The following DMD variants were observed in gnomAD, a reference collection of about 807,000 sequenced individuals.
DMD encodes the protein mutant dystrophin.
In DMD, 63 loss-of-function variants were observed where a neutral mutation model predicts 330.1. The ratio of observed to expected loss-of-function variants is 0.19; its 90% CI spans 0.16 to 0.24. DMD has a LOEUF of 0.24. DMD is among the 10% of genes least tolerant of loss of function. DMD has a pLI of 1.00. For missense variants in DMD, 3,344 were observed against 2,684.1 expected, an observed-to-expected ratio of 1.25 and a Z score of -5.43; for synonymous variants, 1,223 against 959.8, an observed-to-expected ratio of 1.27 and a Z score of -5.07.
intron 41 of DMD, among the ~76,000 whole-genome samples, chrX:32,327,421 T>C (rs1158916700): frequency 9.0e-6 from 1 of 110,702 alleles, no homozygotes; most frequent in African/African-American, 3.3e-5. Flanking sequence ...ATGATATCCA[T>C]CTGACCTCTG....
chrX:31,412,206 A>AAAAAG (rs765872095), intron 60 of DMD, among the ~76,000 whole-genome samples: 22 of 94,171 alleles, frequency 2.3e-4, no homozygotes, highest in East Asian at 9.6e-4. Context: ...AAAAAAAAAA[A>AAAAAG]AGAGAGAGAG....
intron 48 of DMD, among the ~76,000 whole-genome samples, chrX:31,857,380 G>GGA (rs1448687044): frequency 0.049 from 1,805 of 36,757 alleles, 204 homozygotes; most frequent in African/African-American, 0.19. Flanking sequence ...CTCCACCTCG[G>GGA]AAAAAAAAAA....
intron 29 of DMD, among the ~76,000 whole-genome samples, chrX:32,414,076 G>T (rs952789715): frequency 9.0e-6 from 1 of 111,298 alleles, no homozygotes; most frequent in South Asian, 3.8e-4. Context: ...AGTCCTGCTG[G>T]TGTCTTTTAC....
intron 1 of DMD, among the ~76,000 whole-genome samples, chrX:33,206,545 T>C (rs927368228): frequency 1.8e-5 from 2 of 111,786 alleles, no homozygotes; most frequent in Non-Finnish European, 3.8e-5. Context: ...CATTGATTTC[T>C]AAACCAAATC....
At chrX:33,138,204 A>C (rs1389571051) in intron 1 of DMD, among the ~76,000 whole-genome samples, 1 of 112,007 alleles carries the variant, frequency 8.9e-6, no homozygotes, top group Non-Finnish European at 1.9e-5. Flanking sequence ...TTTTAACCAA[A>C]ATATTCTTAA....
chrX:32,352,717 C>A (rs2097786004), intron 37 of DMD, among the ~76,000 whole-genome samples: 1 of 110,500 alleles, frequency 9.0e-6, no homozygotes, highest in Admixed American at 9.6e-5. Context: ...TTACGTCGGT[C>A]TTATTATCTT....
At chrX:31,467,846 C>T (rs776868610) in intron 59 of DMD, among the ~76,000 whole-genome samples, 35 of 111,411 alleles carry the variant, frequency 3.1e-4, no homozygotes, top group African/African-American at 1.1e-3. Flanking sequence ...TTTCAGAACT[C>T]GTTATTGGTC....
intron 29 of DMD, among the ~76,000 whole-genome samples, chrX:32,422,374 T>A (rs2098193620): frequency 8.9e-6 from 1 of 111,838 alleles, no homozygotes; most frequent in South Asian, 3.7e-4. Flanking sequence ...AAAGTCCCTA[T>A]ATTCTTCTAT....
chrX:31,556,917 T>A (rs1374511353), intron 55 of DMD, among the ~76,000 whole-genome samples: 1 of 111,771 alleles, frequency 8.9e-6, no homozygotes, highest in African/African-American at 3.3e-5. Flanking sequence ...GAAATTTAAT[T>A]TAAGTTTGTT....
intron 23 of DMD, among the ~76,000 whole-genome samples, chrX:32,467,673 G>A (rs1285827753): frequency 9.6e-6 from 1 of 103,797 alleles, no homozygotes; most frequent in Non-Finnish European, 1.9e-5. Flanking sequence ...CATGTTATAT[G>A]TATGTGTGTG....
intron 9 of DMD, among the ~76,000 whole-genome samples, chrX:32,664,041 T>C (rs1374444850): frequency 9.0e-6 from 1 of 110,509 alleles, no homozygotes; most frequent in Non-Finnish European, 1.9e-5. Flanking sequence ...AGCAGAAGAG[T>C]GATGTGATTT....
At chrX:31,392,255 GA>G (rs1410826914) in intron 60 of DMD, among the ~76,000 whole-genome samples, 2 of 112,267 alleles carry the variant, frequency 1.8e-5, no homozygotes, top group African/African-American at 6.5e-5. Context: ...CAATTCCAAA[GA>G]CCAAAGCCAA....
At chrX:32,388,804 A>T (rs2097979276) in intron 32 of DMD, among the ~76,000 whole-genome samples, 1 of 111,306 alleles carries the variant, frequency 9.0e-6, no homozygotes, top group Non-Finnish European at 1.9e-5. Context: ...ATGTTACTCG[A>T]GTAGATGCAA....
chrX:32,664,294 T>C (rs1298974896), intron 9 of DMD, among the ~76,000 whole-genome samples: 4 of 97,390 alleles, frequency 4.1e-5, no homozygotes, highest in Non-Finnish European at 6.0e-5. Context: ...CAGGCTGGAG[T>C]GCAGTAGCGC....
At chrX:31,480,672 G>A (rs760898882) in intron 57 of DMD, among the ~76,000 whole-genome samples, 1 of 106,402 alleles carries the variant, frequency 9.4e-6, no homozygotes. Flanking sequence ...ATTTTGCCTA[G>A]TTTCTCTGTT....
At chrX:32,408,002 T>C (rs5927076) in intron 30 of DMD, among the ~76,000 whole-genome samples, 37,395 of 97,292 alleles carry the variant, frequency 0.38, 7,668 homozygotes, top group East Asian at 0.76. Context: ...AGGGATAGCA[T>C]TAGGAGATAT....
chrX:31,668,657 A>G (rs1349901315), intron 53 of DMD, among the ~76,000 whole-genome samples: 1 of 111,063 alleles, frequency 9.0e-6, no homozygotes, highest in East Asian at 2.8e-4. Context: ...GAAATATACA[A>G]TATAATATTA....
rs578112004 is a variant in DMD, at chrX:31,144,510, A to G, written c.10921+1781T>C. ...CTGTGATCTCCAAATTTTTCGCCAT[A>G]AAACTCACCCACACCCCTGACTTTT... On this transcript the variant is annotated intron_variant, in intron 76 of 78. Coordinates refer to ENST00000357033, the MANE Select transcript of DMD (RefSeq NM_004006.3). Among the ~76,000 whole-genome samples the G allele has an allele frequency of 7.7e-4, 86 of 112,169 alleles. 1 individual carries two copies. In the South Asian group the frequency reaches 0.032, roughly 42 times the overall value.
At chrX:32,953,002 G>C (rs1391224304) in intron 2 of DMD, among the ~76,000 whole-genome samples, 1 of 109,238 alleles carries the variant, frequency 9.2e-6, no homozygotes, top group African/African-American at 3.3e-5. Context: ...GGGTGGCTTG[G>C]TGCATGCCTG....
Sources: gnomAD v4.1 joint callset for allele counts (sites outside exome capture counted in the v4.1 genomes callset) on GRCh38, gnomAD v4.1.1 for gene constraint, MANE v1.5 for transcripts, NCBI Gene and HGNC (gene_info 2026-07-23, HGNC 2026-07-21) for gene names.